KATNIP: variants seen among roughly 807,000 people sequenced by gnomAD.
KATNIP encodes katanin interacting protein, also known as katanin-interacting protein.
In KATNIP, 126 loss-of-function variants were observed where a neutral mutation model predicts 174.0. The ratio of observed to expected loss-of-function variants is 0.72; its 90% CI spans 0.63 to 0.84. The LOEUF (loss-of-function observed/expected upper bound fraction) is 0.84, where lower values mean the gene tolerates loss of function less well. KATNIP is among the 40% of genes least tolerant of loss of function. The pLI, the probability that KATNIP is intolerant of heterozygous loss-of-function variation, is 0.00. For synonymous variants in KATNIP, 810 were observed against 835.7 expected (o/e 0.97, Z 0.53); for missense variants, 1,958 against 2,109.7 (o/e 0.93, Z 1.41).
chr16:27,551,220 C>T (rs569879695), intron 1 of KATNIP, among the ~76,000 whole-genome samples: 2 of 152,216 alleles, frequency 1.3e-5, no homozygotes, highest in East Asian at 1.9e-4. Context: ...GGCTAGAGTC[C>T]AGATCATTTT....
At chr16:27,687,982 T>C (rs1401758545) in intron 8 of KATNIP, among the ~76,000 whole-genome samples, 3 of 152,180 alleles carry the variant, frequency 2.0e-5, no homozygotes, top group African/African-American at 7.2e-5. Context: ...CTCACAGACC[T>C]AAAAATTCCA....
At chr16:27,649,934 G>A (rs2077067868) in intron 6 of KATNIP, among the ~76,000 whole-genome samples, 1 of 152,150 alleles carries the variant, frequency 6.6e-6, no homozygotes, top group Admixed American at 6.6e-5. Flanking sequence ...CTAGCACTTT[G>A]GGAGGCCAAG....
At chr16:27,672,192 C>T (rs547355697) in intron 6 of KATNIP, among the ~76,000 whole-genome samples, 6 of 152,318 alleles carry the variant, frequency 3.9e-5, no homozygotes, top group African/African-American at 7.2e-5. Context: ...CCCTGTCCCC[C>T]GTGACTGCTG....
intron 19 of KATNIP, among the ~76,000 whole-genome samples, chr16:27,762,660 C>T (rs2081991986): frequency 6.6e-6 from 1 of 152,210 alleles, no homozygotes; most frequent in South Asian, 2.1e-4. Flanking sequence ...TGGCCTGGTG[C>T]TGAGCTCATG....
At chr16:27,627,567 A>G (rs77696937) in intron 3 of KATNIP, among the ~76,000 whole-genome samples, 3,342 of 152,318 alleles carry the variant, frequency 0.022, 140 homozygotes, top group African/African-American at 0.077. Context: ...TTTCCTCTAG[A>G]AGCAGTAGTT....
intron 1 of KATNIP, among the ~76,000 whole-genome samples, chr16:27,556,226 A>T (rs1805972657): frequency 6.6e-6 from 1 of 152,170 alleles, no homozygotes; most frequent in Non-Finnish European, 1.5e-5. Flanking sequence ...AAGCGTGCTG[A>T]TGAAGCTCTC....
rs769780891 is a variant in KATNIP, at chr16:27,708,723, G to A, written c.1408G>A (p.Ala470Thr). The A allele has an allele frequency of 3.7e-6, 6 of 1,613,554 alleles. No homozygotes were observed. The highest frequency in any genetic ancestry group is 2.7e-5 in the African/African-American group (2 of 74,870). ...SDTEDKQRMR[A>T]DEIKDAIYVT... ...CTTTAAGGACAAACAGAGAATGAGG[G>A]CAGACGAGATCAAAGATGCCATCTA... Residue 470 changes from alanine (A) to threonine (T), a missense_variant, in exon 13 of 28, where the codon GCA (alanine) becomes ACA (threonine). Ala to Thr is a moderately conservative substitution (Grantham distance 58). Transcript: ENST00000261588.
At chr16:27,573,762 A>G (rs2090387875) in intron 1 of KATNIP, 139 bp from the exon 2 acceptor site, 1 of 751,708 alleles carries the variant, frequency 1.3e-6, no homozygotes, top group South Asian at 1.7e-5. Flanking sequence ...TCCCATTATA[A>G]TAATAGGCTG....
chr16:27,654,886 T>G, intron 6 of KATNIP: 1 of 528,448 alleles, frequency 1.9e-6, no homozygotes, highest in South Asian at 1.9e-5. Flanking sequence ...TCCCAGCACT[T>G]TGGGAGGCTG....
chr16:27,609,984 G>C (rs151099065), intron 2 of KATNIP, among the ~76,000 whole-genome samples: 1 of 152,206 alleles, frequency 6.6e-6, no homozygotes, highest in African/African-American at 2.4e-5. Flanking sequence ...TGGGGCCTGA[G>C]GTGGGAGCTT....
intron 8 of KATNIP, among the ~76,000 whole-genome samples, chr16:27,688,008 C>G (rs756371253): frequency 2.6e-5 from 4 of 152,190 alleles, no homozygotes; most frequent in Non-Finnish European, 5.9e-5. Context: ...GTAGAATTGG[C>G]CTCAGGGATG....
chr16:27,764,392 A>C (rs770186054), intron 19 of KATNIP, among the ~76,000 whole-genome samples: 1 of 152,254 alleles, frequency 6.6e-6, no homozygotes, highest in Non-Finnish European at 1.5e-5. Flanking sequence ...TGTTTAAATC[A>C]TTCCCTCTTG....
At chr16:27,579,331 A>G (rs547308776) in intron 2 of KATNIP, among the ~76,000 whole-genome samples, 1 of 152,318 alleles carries the variant, frequency 6.6e-6, no homozygotes, top group Non-Finnish European at 1.5e-5. Context: ...CCTGAGGCCA[A>G]GCAGCTCTGC....
chr16:27,677,868 GAC>G lies in KATNIP; in HGVS notation c.682_683del (p.His228Ter), dbSNP rs765396738. On this transcript the variant is annotated frameshift_variant, in exon 7 of 28. Coordinates refer to ENST00000261588, the MANE Select transcript of KATNIP (RefSeq NM_015202.5). LOFTEE classifies it high-confidence loss of function. Reference sequence around the variant, plus strand: ...GACCCGGCACTGGTGGGCCATCCCAGACATGACCGCCCTCCTTCCAGTGGCGA... The same window carrying G: ...GACCCGGCACTGGTGGGCCATCCCAGATGACCGCCCTCCTTCCAGTGGCGA... 3 of 1,614,242 alleles carry G rather than the reference GAC, an allele frequency of 1.9e-6. No individual in the cohort carries two copies. The East Asian group carries it at 6.7e-5, about 36-fold the overall frequency.
intron 6 of KATNIP, among the ~76,000 whole-genome samples, chr16:27,676,312 G>C (rs1335791385): frequency 6.6e-6 from 1 of 152,186 alleles, no homozygotes; most frequent in African/African-American, 2.4e-5. Flanking sequence ...CTGGGCTCCA[G>C]TTTTCAATTA....
chr16:27,563,602 G>T (rs1296465646), intron 1 of KATNIP, among the ~76,000 whole-genome samples: 1 of 152,166 alleles, frequency 6.6e-6, no homozygotes, highest in Non-Finnish European at 1.5e-5. Context: ...GCCAGGCCAT[G>T]CAGAGCCTGG....
intron 8 of KATNIP, among the ~76,000 whole-genome samples, chr16:27,698,039 G>C (rs1340822711): frequency 6.6e-6 from 1 of 152,134 alleles, no homozygotes; most frequent in Admixed American, 6.5e-5. Context: ...GAATACCACT[G>C]TCTAAGCCAT....
At chr16:27,759,119 A>G (rs1300518642) in intron 18 of KATNIP, among the ~76,000 whole-genome samples, 1 of 152,250 alleles carries the variant, frequency 6.6e-6, no homozygotes, top group Non-Finnish European at 1.5e-5. Flanking sequence ...TACTAAAAAC[A>G]TTCATTGAAC....
At chr16:27,773,263 G>A (rs2082375899) in intron 23 of KATNIP, 54 bp downstream of exon 23, 11 of 1,288,192 alleles carry the variant, frequency 8.5e-6, no homozygotes, top group South Asian at 1.3e-5. Flanking sequence ...GAGCATGGGA[G>A]GGTCGGGAAC....
Sources: gnomAD v4.1 joint callset for allele counts (sites outside exome capture counted in the v4.1 genomes callset) on GRCh38, gnomAD v4.1.1 for gene constraint, MANE v1.5 for transcripts, NCBI Gene and HGNC (gene_info 2026-07-23, HGNC 2026-07-21) for gene names.